Variants in PPM1B observed in about 807,000 individuals in gnomAD.
The protein encoded by PPM1B is protein phosphatase, Mg2+/Mn2+ dependent 1B.
PPM1B carries 22 observed loss-of-function variants against 43.0 expected under a neutral mutation model. The ratio of observed to expected loss-of-function variants is 0.51; its 90% CI spans 0.37 to 0.73. PPM1B has a LOEUF of 0.73. Ranked by LOEUF, PPM1B falls within the 30% of genes least tolerant of loss-of-function variation. The pLI is 0.00. For missense variants in PPM1B, 632 were observed against 584.2 expected (o/e 1.08, Z -0.84); for synonymous variants, 217 against 197.9 (o/e 1.10, Z -0.81).
chr2:44,190,650 T>G (rs1399392338), intron 1 of PPM1B, among the ~76,000 whole-genome samples: 1 of 152,238 alleles, frequency 6.6e-6, no homozygotes, highest in Non-Finnish European at 1.5e-5. Flanking sequence ...GTTGATCTTT[T>G]ATTTGTAAGC....
intron 1 of PPM1B, among the ~76,000 whole-genome samples, chr2:44,186,751 G>T (rs998602874): frequency 6.6e-6 from 1 of 152,214 alleles, no homozygotes; most frequent in Non-Finnish European, 1.5e-5. Context: ...TTCTGCTATG[G>T]AATGTCAAAG....
chr2:44,207,554 G>A (rs182850343), intron 2 of PPM1B, among the ~76,000 whole-genome samples: 1 of 151,984 alleles, frequency 6.6e-6, no homozygotes, highest in Non-Finnish European at 1.5e-5. Flanking sequence ...ATAATCTCAT[G>A]GTACTAGAGT....
chr2:44,177,441 G>A (rs1463580945), intron 1 of PPM1B, among the ~76,000 whole-genome samples: 6 of 109,296 alleles, frequency 5.5e-5, no homozygotes, highest in South Asian at 6.1e-4. Flanking sequence ...TTTTTGAGAC[G>A]GAGTTTTGCT....
At chr2:44,234,050 T>G, downstream of PPM1B, 1 of 973,042 alleles carries the variant, frequency 1.0e-6, no homozygotes, top group Non-Finnish European at 1.2e-6. Flanking sequence ...AATAAAGAAT[T>G]GATAAAAACA....
intron 2 of PPM1B, among the ~76,000 whole-genome samples, chr2:44,206,627 A>G (rs771819374): frequency 2.6e-5 from 4 of 152,196 alleles, no homozygotes; most frequent in Non-Finnish European, 4.4e-5. Flanking sequence ...GTTACCAAAA[A>G]CTCAAAAGGG....
At chr2:44,204,637 T>G (rs777277962) in intron 2 of PPM1B, among the ~76,000 whole-genome samples, 4 of 152,128 alleles carry the variant, frequency 2.6e-5, no homozygotes, top group Non-Finnish European at 4.4e-5. Flanking sequence ...GTAGTTAAGA[T>G]GACGAGGTCA....
At chr2:44,203,044 C>G (rs1346200633) in intron 2 of PPM1B, among the ~76,000 whole-genome samples, 3 of 152,106 alleles carry the variant, frequency 2.0e-5, no homozygotes, top group Non-Finnish European at 4.4e-5. Flanking sequence ...TCTCCCTACT[C>G]CAAAATGTAC....
At chr2:44,185,634 TGATTTCAGA>T (rs1558394518) in intron 1 of PPM1B, among the ~76,000 whole-genome samples, 1 of 152,240 alleles carries the variant, frequency 6.6e-6, no homozygotes, top group Non-Finnish European at 1.5e-5. Flanking sequence ...CTCTCACTTA[TGATTTCAGA>T]GAATCTGATT....
rs150585574 is a variant in PPM1B at position 44,201,885 on chromosome 2, T to G, written c.686T>G (p.Ile229Ser). Residue 229 changes from isoleucine (I) to serine (S), a missense_variant, in exon 2 of 6, where the codon ATT becomes AGT. By Grantham distance (142) the Ile-to-Ser change is moderately radical. Around this residue, in one of 3 missense-constraint regions of PPM1B, gnomAD observed 392 missense variants for 302.7 expected, o/e 1.29. Transcript: ENST00000282412. This position sits in a 1 kb window ranked among gnomAD's most constrained non-coding sequence, Gnocchi z 5.4. ...TCTCCAGAGCCTGAGGTTTATGAAATTTTAAGAGCAGAAGAGGATGAATTT... is the reference window on the plus strand; with the variant it reads ...TCTCCAGAGCCTGAGGTTTATGAAAGTTTAAGAGCAGAAGAGGATGAATTT... ...LVSPEPEVYE[I>S]LRAEEDEFII... 3 of 1,614,058 alleles carry G rather than the reference T, an allele frequency of 1.9e-6. No homozygotes were observed. The African/African-American group carries it at 4.0e-5, about 22-fold the overall frequency.
chr2:44,183,265 C>G (rs998154814), intron 1 of PPM1B, among the ~76,000 whole-genome samples: 2 of 152,222 alleles, frequency 1.3e-5, no homozygotes, highest in African/African-American at 4.8e-5. Flanking sequence ...CTTAGACTGT[C>G]CCATGTGCAT....
intron 1 of PPM1B, among the ~76,000 whole-genome samples, chr2:44,176,440 A>G (rs888987749): frequency 1.3e-5 from 2 of 152,172 alleles, no homozygotes; most frequent in East Asian, 1.9e-4. Flanking sequence ...AATGGAGCCA[A>G]TTTGTCTCTT....
chr2:44,179,443 C>T (rs1053118102), intron 1 of PPM1B, among the ~76,000 whole-genome samples: 1 of 152,138 alleles, frequency 6.6e-6, no homozygotes, highest in African/African-American at 2.4e-5. Context: ...TACCAAACAG[C>T]AAAGCTCTGT....
intron 1 of PPM1B, among the ~76,000 whole-genome samples, chr2:44,190,718 G>A (rs541959057): frequency 6.6e-6 from 1 of 152,242 alleles, no homozygotes; most frequent in Admixed American, 6.5e-5. Context: ...AACAGTTTCT[G>A]TTCTACATAT....
intron 5 of PPM1B, among the ~76,000 whole-genome samples, chr2:44,222,942 C>T (rs949380250): frequency 1.3e-5 from 2 of 152,078 alleles, no homozygotes; most frequent in African/African-American, 4.8e-5. Flanking sequence ...GCGATCCTCC[C>T]AGCTCAGCCT....
chr2:44,187,921 T>C (rs1668203491), intron 1 of PPM1B, among the ~76,000 whole-genome samples: 1 of 152,132 alleles, frequency 6.6e-6, no homozygotes, highest in African/African-American at 2.4e-5. Context: ...CGGCTAACTT[T>C]TTGTATTTTT....
At chr2:44,218,188 G>T in intron 4 of PPM1B, 110 bp downstream of exon 4, 1 of 816,582 alleles carries the variant, frequency 1.2e-6, no homozygotes, top group Non-Finnish European at 2.0e-6. Flanking sequence ...GGTGAAATGG[G>T]TTAGTGTTTC....
At chr2:44,180,766 A>T (rs1381449665) in intron 1 of PPM1B, among the ~76,000 whole-genome samples, 1 of 152,034 alleles carries the variant, frequency 6.6e-6, no homozygotes, top group East Asian at 1.9e-4. Flanking sequence ...GTGGGGCACC[A>T]TACCTGGCTA....
chr2:44,175,511 A>G (rs1667539806), intron 1 of PPM1B, among the ~76,000 whole-genome samples: 2 of 152,162 alleles, frequency 1.3e-5, no homozygotes, highest in South Asian at 4.1e-4. Context: ...AAAACAGACA[A>G]AATCCCAAAT....
chr2:44,229,066 C>T (rs1406697776), intron 5 of PPM1B, among the ~76,000 whole-genome samples: 1 of 151,786 alleles, frequency 6.6e-6, no homozygotes, highest in African/African-American at 2.4e-5. Flanking sequence ...CCTGTAATCC[C>T]AGCTACTCGG....
Sources: allele counts gnomAD v4.1 joint callset (sites outside exome capture counted in the v4.1 genomes callset), GRCh38; gene constraint gnomAD v4.1.1; regional missense constraint gnomAD v4.1.1; non-coding constraint Gnocchi (gnomAD v3.1); transcripts MANE v1.5; gene names NCBI Gene and HGNC (gene_info 2026-07-23, HGNC 2026-07-21).